Variants in YAP1 observed in about 807,000 individuals in gnomAD.
YAP1 encodes transcriptional coactivator YAP1.
A neutral mutation model predicts 56.9 loss-of-function variants in YAP1; 5 were observed. The ratio of observed to expected loss-of-function variants is 0.09; its 90% CI spans 0.05 to 0.18. The LOEUF is 0.18. Ranked by LOEUF, YAP1 falls within the 10% of genes least tolerant of loss-of-function variation. The pLI is 1.00. For missense variants in YAP1, 539 were observed against 651.8 expected, an observed-to-expected ratio of 0.83 and a Z score of 1.88; for synonymous variants, 265 against 248.1, an observed-to-expected ratio of 1.07 and a Z score of -0.64.
intron 3 of YAP1, among the ~76,000 whole-genome samples, chr11:102,183,700 T>TTATGTGTGTGTGTGTGTG (rs1555011904): frequency 1.0e-5 from 1 of 98,004 alleles, no homozygotes; most frequent in South Asian, 3.0e-4. Flanking sequence ...ATAATGCTGT[T>TTATGTGTGTGTGTGTGTG]TCTGTGTGTG....
chr11:102,113,012 A>C (rs1943055778), intron 1 of YAP1, among the ~76,000 whole-genome samples: 2 of 144,588 alleles, frequency 1.4e-5, no homozygotes, highest in Middle Eastern at 3.4e-3. Flanking sequence ...ATAAGTTTTT[A>C]ACTAAGTGTT....
At chr11:102,166,851 C>T (rs1486918501) in intron 3 of YAP1, among the ~76,000 whole-genome samples, 1 of 152,118 alleles carries the variant, frequency 6.6e-6, no homozygotes, top group African/African-American at 2.4e-5. Context: ...AGATCTTGTT[C>T]CTCATCCAAC....
At chr11:102,199,745 T>G (rs1948755482) in intron 4 of YAP1, among the ~76,000 whole-genome samples, 1 of 152,162 alleles carries the variant, frequency 6.6e-6, no homozygotes, top group Admixed American at 6.5e-5. Context: ...GCCTGCCAGT[T>G]TTAGGGGCCA....
chr11:102,211,016 A>G (rs1949379564), intron 6 of YAP1, among the ~76,000 whole-genome samples: 1 of 152,108 alleles, frequency 6.6e-6, no homozygotes, highest in African/African-American at 2.4e-5. Context: ...CAGCCTCCCA[A>G]ATTGCTGGGA....
rs1229661476 is a variant in YAP1 at position 102,110,824 on chromosome 11, G to A, written c.-25G>A. 7.3e-7 allele frequency: 1 copy of A among 1,376,554 alleles called. No individual in the cohort carries two copies. The highest frequency in any genetic ancestry group is 1.5e-5 in the African/African-American group (1 of 65,936). The allele number at this position is 1,376,554 out of a possible 1,614,324, so 85.3% of individuals were successfully genotyped here. A position where few individuals can be genotyped will look rare whatever the true frequency, so the allele number is the denominator to read the frequency against. On this transcript the variant is annotated 5_prime_UTR_variant, in exon 1 of 9. The change creates a new upstream start codon in the 5' untranslated region. Transcript: ENST00000282441. Reference sequence around the variant, plus strand: ...AGCCCTCGCTCGCCTGGGTCAGGGGGTGCGCGTCGGGGGAGGCAGAAGCCA... The same window carrying A: ...AGCCCTCGCTCGCCTGGGTCAGGGGATGCGCGTCGGGGGAGGCAGAAGCCA...
chr11:102,216,006 G>A lies in YAP1; in HGVS notation c.1032+6442G>A, dbSNP rs550258162. Among the ~76,000 whole-genome samples, 14 of 152,238 alleles carry A rather than the reference G, an allele frequency of 9.2e-5. No homozygotes were observed. The South Asian group carries it at 1.0e-3, about 11-fold the overall frequency. The stretch of plus-strand genomic sequence containing the variant: ...ACCTCTGCCTCCCATACAAGCGCGC[G>A]TGCTAGCGTGAACACACTCAGATAA... On this transcript the variant is annotated intron_variant, in intron 6 of 8. Coordinates refer to ENST00000282441, the MANE Select transcript of YAP1 (RefSeq NM_001130145.3).
At chr11:102,111,199 C>T (rs776234063) in intron 1 of YAP1, 30 bp downstream of exon 1, 4 of 1,609,556 alleles carry the variant, frequency 2.5e-6, no homozygotes, top group Non-Finnish European at 3.4e-6. Flanking sequence ...CCCCGTTTCC[C>T]CGTCGGGCGG....
intron 2 of YAP1, among the ~76,000 whole-genome samples, chr11:102,153,072 G>A (rs1412132364): frequency 6.6e-6 from 1 of 152,206 alleles, no homozygotes; most frequent in Non-Finnish European, 1.5e-5. Context: ...TTCCTTTCAG[G>A]TGTGAAGTGT....
rs57596742 is a variant in YAP1, at chr11:102,191,173, CAA to C, written c.802+5055_802+5056del. On this transcript the variant is annotated intron_variant, in intron 4 of 8. Transcript: ENST00000282441. ...TGGGCAACAGAGCGAGACTCCATCT[CAA>C]AAAAAAAAAAAATTATTAACTGATA... Among the ~76,000 whole-genome samples the C allele has an allele frequency of 2.1e-3, 306 of 146,154 alleles. 1 individual carries two copies. Among genetic ancestry groups the C allele is most frequent in the South Asian group, 6.3e-3 (29 of 4,576 alleles).
chr11:102,115,665 A>G (rs1943238648), intron 2 of YAP1, among the ~76,000 whole-genome samples: 1 of 152,018 alleles, frequency 6.6e-6, no homozygotes, highest in African/African-American at 2.4e-5. Context: ...GGTTTCAACC[A>G]GAACAGTAAA....
intron 7 of YAP1, among the ~76,000 whole-genome samples, chr11:102,224,090 A>G (rs2135705641): frequency 6.6e-6 from 1 of 152,364 alleles, no homozygotes. Context: ...ATTTCATGTT[A>G]AACCTACTTA....
chr11:102,114,136 C>T lies in YAP1; in HGVS notation c.322-8C>T, dbSNP rs779109141. 1 of 1,564,598 alleles carries T rather than the reference C, an allele frequency of 6.4e-7. No individual in the cohort carries two copies. The highest frequency in any genetic ancestry group is 8.7e-7 in the Non-Finnish European group (1 of 1,149,222). On this transcript the variant is annotated splice_region_variant and splice_polypyrimidine_tract_variant and intron_variant, in intron 1 of 8. Coordinates refer to ENST00000282441, the MANE Select transcript of YAP1 (RefSeq NM_001130145.3). ...TTTTTAATTTTTCATCTTAATATTC[C>T]CTAATAGGCCAGTACTGATGCAGGC...
rs1591100315 is a variant in YAP1, at chr11:102,114,180, C to T, written c.358C>T (p.Pro120Ser). Residue 120 changes from proline (P) to serine (S), a missense_variant, in exon 2 of 9, where the codon CCA becomes TCA. Around this residue, in one of 4 missense-constraint regions of YAP1, gnomAD observed 414 missense variants for 512.4 expected, o/e 0.81. Transcript: ENST00000282441. Reference protein sequence around the residue: ...TDAGTAGALTPQHVRAHSSPA... With the variant: ...TDAGTAGALTSQHVRAHSSPA... ...TGCAGGCACTGCAGGAGCCCTGACT[C>T]CACAGCATGTTCGAGCTCATTCCTC... The T allele has an allele frequency of 2.5e-6, 4 of 1,613,880 alleles. No homozygotes were observed. Among genetic ancestry groups the T allele is most frequent in the Admixed American group, 1.7e-5 (1 of 60,002 alleles).
intron 3 of YAP1, among the ~76,000 whole-genome samples, chr11:102,173,355 ATCT>A (rs1947033330): frequency 1.3e-5 from 2 of 152,120 alleles, no homozygotes; most frequent in Admixed American, 1.3e-4. Flanking sequence ...ACCATTAAAA[ATCT>A]TCTTTAGGGG....
In YAP1 at chr11:102,230,311, C is replaced by T. The variant is rs1342203841; in HGVS notation, c.*371C>T. ...AATACTCAGACTTAGAAGTCAGATG[C>T]TTCATGTCACAGCATTTAGTTTGTT... is the stretch of plus-strand genomic sequence containing the variant. On this transcript the variant is annotated 3_prime_UTR_variant, in exon 9 of 9. Transcript: ENST00000282441. 1 of 180,966 alleles carries T rather than the reference C, an allele frequency of 5.5e-6. No homozygotes were observed. Among genetic ancestry groups the T allele is most frequent in the African/African-American group, 2.4e-5 (1 of 42,062 alleles). The allele number at this position is 180,966 out of a possible 1,614,324, so 11.2% of individuals were successfully genotyped here.
Position 102,110,691 on chromosome 11 carries a change from C to A in YAP1, c.-158C>A. The A allele has an allele frequency of 3.7e-6, 2 of 540,218 alleles. No individual in the cohort carries two copies. Among genetic ancestry groups the A allele is most frequent in the Non-Finnish European group, 5.2e-6 (2 of 386,884 alleles). The allele number at this position is 540,218 out of a possible 1,614,324, so 33.5% of individuals were successfully genotyped here. A position where few individuals can be genotyped will look rare whatever the true frequency, so the allele number is the denominator to read the frequency against. On this transcript the variant is annotated 5_prime_UTR_variant, in exon 1 of 9. Coordinates refer to ENST00000282441, the MANE Select transcript of YAP1 (RefSeq NM_001130145.3). ...GGCGGAGGCGCCGGGGCGGGGGATG[C>A]GGGGCCGCGGCGCAGCCCCCCGGCC...
intron 3 of YAP1, among the ~76,000 whole-genome samples, chr11:102,177,074 TAGAG>T (rs1420937572): frequency 6.6e-6 from 1 of 151,682 alleles, no homozygotes; most frequent in Non-Finnish European, 1.5e-5. Flanking sequence ...GCAAAGAAGG[TAGAG>T]AGAAGAGTTC....
intron 2 of YAP1, among the ~76,000 whole-genome samples, chr11:102,130,720 CTTTTTTTTTTTTTTT>C (rs61175592): frequency 1.0e-5 from 1 of 98,114 alleles, no homozygotes; most frequent in Non-Finnish European, 2.0e-5. Context: ...GATAACTACT[CTTTTTTTTTTTTTTT>C]TTTTTTTTTA....
Position 102,179,739 on chromosome 11 carries a change from A to C in YAP1, c.689-6279A>C, listed in dbSNP as rs114946445. On this transcript the variant is annotated intron_variant, in intron 3 of 8. Transcript: ENST00000282441. ...TTTTTGCTGCACGTATCATTAGCCA[A>C]CATTGTACTGTCTTCTATCTGGAAC... Among the ~76,000 whole-genome samples the C allele has an allele frequency of 4.5e-3, 684 of 152,128 alleles. 5 individuals are homozygous for C. Among genetic ancestry groups the C allele is most frequent in the African/African-American group, 0.016 (655 of 41,504 alleles).
Sources: allele counts gnomAD v4.1 joint callset (sites outside exome capture counted in the v4.1 genomes callset), GRCh38; gene constraint gnomAD v4.1.1; regional missense constraint gnomAD v4.1.1; transcripts MANE v1.5; gene names NCBI Gene and HGNC (gene_info 2026-07-23, HGNC 2026-07-21).